Variants in EXOC2 observed in about 807,000 individuals in gnomAD.
EXOC2 encodes the protein SEC5-like 1.
Under a neutral mutation model 131.8 loss-of-function variants are expected in EXOC2, and 70 were observed. The ratio of observed to expected loss-of-function variants is 0.53; its 90% CI spans 0.44 to 0.65. EXOC2 has a LOEUF of 0.65. Ranked by LOEUF, EXOC2 falls within the 30% of genes least tolerant of loss-of-function variation. EXOC2 has a pLI of 0.00. For synonymous variants in EXOC2, 411 were observed against 398.4 expected, an observed-to-expected ratio of 1.03 and a Z score of -0.38; for missense variants, 923 against 1,108.6, an observed-to-expected ratio of 0.83 and a Z score of 2.38.
At chr6:656,660 C>A in intron 1 of EXOC2, 1 of 1,607,184 alleles carries the variant, frequency 6.2e-7, no homozygotes, top group Non-Finnish European at 8.5e-7. Flanking sequence ...AGGACGCGCC[C>A]GCTGCGCTTC....
intron 5 of EXOC2, among the ~76,000 whole-genome samples, 170 bp from the exon 6 acceptor site, chr6:618,005 T>A (rs1188768996): frequency 2.6e-5 from 4 of 152,208 alleles, no homozygotes; most frequent in African/African-American, 9.6e-5. Flanking sequence ...GTTGCGTAGA[T>A]CTAAACCTTT....
intron 21 of EXOC2, among the ~76,000 whole-genome samples, chr6:551,981 C>A (rs1757166840): frequency 6.6e-6 from 1 of 152,186 alleles, no homozygotes; most frequent in African/African-American, 2.4e-5. Flanking sequence ...CCCCAGCTTC[C>A]CTCGCTTTCT....
At chr6:684,074 C>T (rs913711397) in intron 1 of EXOC2, among the ~76,000 whole-genome samples, 5 of 152,172 alleles carry the variant, frequency 3.3e-5, no homozygotes, top group Non-Finnish European at 5.9e-5. Context: ...CTCGGCTGAG[C>T]GGGAGACCAC....
chr6:496,821 T>A (rs79904617), intron 25 of EXOC2, among the ~76,000 whole-genome samples: 1 of 152,240 alleles, frequency 6.6e-6, no homozygotes, highest in South Asian at 2.1e-4. Context: ...CACTGCTTTT[T>A]GAAACTCACT....
intron 2 of EXOC2, among the ~76,000 whole-genome samples, chr6:635,447 C>G (rs910692070): frequency 1.3e-5 from 2 of 152,074 alleles, no homozygotes; most frequent in Non-Finnish European, 2.9e-5. Context: ...GCAAATAATT[C>G]AAACACAGAT....
intron 23 of EXOC2, among the ~76,000 whole-genome samples, chr6:501,673 GATAT>G (rs749207555): frequency 9.0e-6 from 1 of 111,354 alleles, no homozygotes; most frequent in Non-Finnish European, 1.7e-5. Flanking sequence ...ATCTATAAAA[GATAT>G]ATATATCTAT....
rs566101529 is a variant in EXOC2, at chr6:569,784, G to A, written c.1443+2736C>T. Among the ~76,000 whole-genome samples the A allele has an allele frequency of 4.6e-5, 7 of 152,308 alleles. No homozygotes were observed. In the South Asian group the frequency reaches 1.2e-3, roughly 27 times the overall value. Reference sequence around the variant, plus strand: ...TTTATAAACATAGACAGGTAGACACGTCATAGGCATATCCAATTCAGCACA... The same window carrying A: ...TTTATAAACATAGACAGGTAGACACATCATAGGCATATCCAATTCAGCACA... On this transcript the variant is annotated intron_variant, in intron 13 of 27. Transcript: ENST00000230449.
At chr6:604,906 T>G (rs1276342398) in intron 7 of EXOC2, among the ~76,000 whole-genome samples, 1 of 151,876 alleles carries the variant, frequency 6.6e-6, no homozygotes, top group Non-Finnish European at 1.5e-5. Flanking sequence ...TGGTATTCTC[T>G]GCACTCAACT....
intron 7 of EXOC2, among the ~76,000 whole-genome samples, chr6:608,371 CA>C (rs1561920157): frequency 6.6e-6 from 1 of 152,162 alleles, no homozygotes; most frequent in African/African-American, 2.4e-5. Context: ...CAGCAATCAA[CA>C]TCATGTTGTT....
chr6:607,115 T>C (rs1760461245), intron 7 of EXOC2, among the ~76,000 whole-genome samples: 3 of 152,344 alleles, frequency 2.0e-5, no homozygotes, highest in South Asian at 4.1e-4. Flanking sequence ...AGGGGAACTG[T>C]ACTTTATGCA....
intron 1 of EXOC2, among the ~76,000 whole-genome samples, chr6:640,713 G>GAGGC (rs1477380875): frequency 6.6e-6 from 1 of 152,174 alleles, no homozygotes; most frequent in Non-Finnish European, 1.5e-5. Flanking sequence ...GCCAAGGAGA[G>GAGGC]AGGCCTAAAA....
intron 7 of EXOC2, among the ~76,000 whole-genome samples, chr6:604,040 C>T (rs572747030): frequency 5.3e-5 from 8 of 152,328 alleles, no homozygotes; most frequent in Admixed American, 3.3e-4. Flanking sequence ...AAGACAGGCA[C>T]TGTTTTTACC....
At chr6:664,027 G>T (rs1763529911) in intron 1 of EXOC2, among the ~76,000 whole-genome samples, 2 of 152,174 alleles carry the variant, frequency 1.3e-5, no homozygotes, top group Admixed American at 1.3e-4. Flanking sequence ...CGTTTACCTT[G>T]AAAACTCTAA....
chr6:631,353 C>T lies in EXOC2; in HGVS notation c.296-1392G>A, dbSNP rs1054492998. Among the ~76,000 whole-genome samples, 3 of 152,272 alleles carry T rather than the reference C, an allele frequency of 2.0e-5. No homozygotes were observed. In the South Asian group the frequency reaches 6.2e-4, roughly 32 times the overall value. ...CGGAGTTCGAGACCAGCCTGACCAA[C>T]ATGGTGAAACCCCATCTCTACTAAA... is the stretch of plus-strand genomic sequence containing the variant. On this transcript the variant is annotated intron_variant, in intron 3 of 27. Coordinates refer to ENST00000230449, the MANE Select transcript of EXOC2 (RefSeq NM_018303.6).
chr6:640,475 C>T (rs1762304788), intron 1 of EXOC2, among the ~76,000 whole-genome samples: 1 of 152,200 alleles, frequency 6.6e-6, no homozygotes, highest in South Asian at 2.1e-4. Context: ...ATTATGCCCA[C>T]CCACCTCACT....
At position 663,252 on chromosome 6, in the gene EXOC2, T is replaced by C. The variant is rs147012687; in HGVS notation, c.-43-25391A>G. Among the ~76,000 whole-genome samples the C allele has an allele frequency of 6.2e-3, 948 of 152,068 alleles. 5 individuals carry two copies. Among genetic ancestry groups the C allele is most frequent in the African/African-American group, 0.022 (897 of 41,464 alleles). ...CCTCCTAGCTTAAATCAGGAAGAAA[T>C]AGACACCCCGAACAGACCAATAACA... On this transcript the variant is annotated intron_variant, in intron 1 of 27. Transcript: ENST00000230449.
intron 27 of EXOC2, among the ~76,000 whole-genome samples, chr6:487,650 C>G (rs1427275725): frequency 1.3e-5 from 2 of 152,148 alleles, no homozygotes; most frequent in African/African-American, 4.8e-5. Context: ...CGTGATCCGC[C>G]CACCTCAGCC....
At chr6:626,795 G>A (rs891780853) in intron 4 of EXOC2, among the ~76,000 whole-genome samples, 11 of 151,824 alleles carry the variant, frequency 7.2e-5, no homozygotes, top group East Asian at 3.9e-4. Context: ...GTTTCACCAC[G>A]TTGGCCAGGC....
intron 25 of EXOC2, among the ~76,000 whole-genome samples, chr6:492,906 G>A (rs1763519929): frequency 6.6e-6 from 1 of 152,150 alleles, no homozygotes; most frequent in Admixed American, 6.5e-5. Context: ...CGTATGCTAT[G>A]TGAAATATTT....
Sources: gnomAD v4.1 joint callset for allele counts (sites outside exome capture counted in the v4.1 genomes callset) on GRCh38, gnomAD v4.1.1 for gene constraint, MANE v1.5 for transcripts, NCBI Gene and HGNC (gene_info 2026-07-23, HGNC 2026-07-21) for gene names.